Variants in SPINK9 observed in about 807,000 individuals in gnomAD.
SPINK9 encodes the protein serine protease inhibitor Kazal-type 9.
A neutral mutation model predicts 10.8 loss-of-function variants in SPINK9; 3 were observed. The observed-to-expected ratio is 0.28, with a 90% CI of 0.13 to 0.72. SPINK9 has a LOEUF of 0.72. Ranked by LOEUF, SPINK9 falls within the 30% of genes least tolerant of loss-of-function variation. The probability of loss-of-function intolerance (pLI) is 0.74; values close to 1 mark genes in which losing one functional copy is unlikely to be tolerated. For synonymous variants in SPINK9, 30 were observed against 31.2 expected, an observed-to-expected ratio of 0.96 and a Z score of 0.12; for missense variants, 101 against 103.2, an observed-to-expected ratio of 0.98 and a Z score of 0.09.
At chr5:148,338,455 AG>A (rs764794406) in intron 2 of SPINK9, 22 bp from the exon 3 acceptor site, 2 of 1,580,770 alleles carry the variant, frequency 1.3e-6, no homozygotes, top group Non-Finnish European at 1.7e-6. Flanking sequence ...AAAGAGTTGA[AG>A]GTTTTTAATA....
chr5:148,328,127 C>T (rs1346400171), intron 2 of SPINK9, among the ~76,000 whole-genome samples: 1 of 152,170 alleles, frequency 6.6e-6, no homozygotes. Flanking sequence ...ATTGATTCTT[C>T]CTATCCATGA....
chr5:148,323,775 C>T, exon 2 of SPINK9: 2 of 700,872 alleles, frequency 2.9e-6, no homozygotes, highest in East Asian at 2.7e-5. Context: ...TCCTTCTCAT[C>T]ATTGTTTTCA....
intron 1 of SPINK9, among the ~76,000 whole-genome samples, chr5:148,322,947 G>T (rs115928117): frequency 6.6e-6 from 1 of 151,948 alleles, no homozygotes; most frequent in Non-Finnish European, 1.5e-5. Flanking sequence ...TCTAGATTTG[G>T]TCTACAATGG....
At chr5:148,329,710 G>A (rs1308952076) in intron 2 of SPINK9, among the ~76,000 whole-genome samples, 3 of 151,948 alleles carry the variant, frequency 2.0e-5, no homozygotes, top group Non-Finnish European at 4.4e-5. Context: ...TTGTGTCTTT[G>A]TTCTCGTTGG....
chr5:148,330,725 T>C (rs1757137503), upstream of SPINK9, among the ~76,000 whole-genome samples: 1 of 152,208 alleles, frequency 6.6e-6, no homozygotes, highest in South Asian at 2.1e-4. Context: ...TCTCAGCATT[T>C]GCTTGTCTGT....
chr5:148,328,775 C>G (rs908418676), intron 2 of SPINK9, among the ~76,000 whole-genome samples: 2 of 152,064 alleles, frequency 1.3e-5, no homozygotes, highest in Non-Finnish European at 2.9e-5. Flanking sequence ...TGGTTTTTGT[C>G]TTTGGTTCTG....
Position 148,327,609 on chromosome 5 carries a change from G to A in SPINK9, c.118+3741G>A, listed in dbSNP as rs1757082916. Among the ~76,000 whole-genome samples the A allele has an allele frequency of 2.6e-5, 4 of 151,922 alleles. No homozygotes were observed. In the South Asian group the frequency reaches 8.3e-4, roughly 32 times the overall value. On this transcript the variant is annotated intron_variant, in intron 2 of 4. Transcript: ENST00000511717. ...CCTATGTCCTGAATGGTATTGCCTAGGTTTTCTTCTAGGGTTTTTATGGTT... is the reference window on the plus strand; with the variant it reads ...CCTATGTCCTGAATGGTATTGCCTAAGTTTTCTTCTAGGGTTTTTATGGTT...
chr5:148,322,269 TGG>T, intron 1 of SPINK9, among the ~76,000 whole-genome samples: 1 of 152,368 alleles, frequency 6.6e-6, no homozygotes, highest in South Asian at 2.1e-4. Context: ...ACTCTGACAC[TGG>T]GAGCTCATCT....
At chr5:148,336,549 A>G (rs552920456) in intron 2 of SPINK9, 96 bp downstream of exon 2, 5 of 1,308,856 alleles carry the variant, frequency 3.8e-6, no homozygotes, top group Admixed American at 3.7e-5. Context: ...ATATGTTTGA[A>G]TATTTACTTT....
At chr5:148,324,468 C>A (rs1486751082) in intron 2 of SPINK9, among the ~76,000 whole-genome samples, 2 of 151,988 alleles carry the variant, frequency 1.3e-5, no homozygotes, top group African/African-American at 4.8e-5. Context: ...TAATGATAGG[C>A]AAATCAACAT....
At chr5:148,335,435 G>C, upstream of SPINK9, 5 of 531,380 alleles carry the variant, frequency 9.4e-6, no homozygotes, top group South Asian at 1.3e-4. Context: ...CACAAGAAAA[G>C]AATCCCCATG....
At position 148,339,658 on chromosome 5, in the gene SPINK9, T is replaced by C. The variant is rs1279652019; in HGVS notation, c.216-9T>C. 1.6e-5 allele frequency: 25 copies of C among 1,612,098 alleles called. No homozygotes were observed. The highest frequency in any genetic ancestry group is 2.1e-5 in the Non-Finnish European group (25 of 1,178,804). On this transcript the variant is annotated splice_polypyrimidine_tract_variant and intron_variant, in intron 3 of 3. Coordinates refer to ENST00000377906, the MANE Select transcript of SPINK9 (RefSeq NM_001040433.2). ...GCATTTCTCATTTGTTGCTATATTC[T>C]CTCCACAGGAAAACTGACGGCACAC...
At chr5:148,334,170 T>TA (rs1757185633), upstream of SPINK9, among the ~76,000 whole-genome samples, 1 of 151,856 alleles carries the variant, frequency 6.6e-6, no homozygotes, top group East Asian at 1.9e-4. Context: ...GGATTCTTAC[T>TA]AAAGGCAGGC....
At chr5:148,334,593 C>A (rs899178357), upstream of SPINK9, among the ~76,000 whole-genome samples, 1 of 151,954 alleles carries the variant, frequency 6.6e-6, no homozygotes, top group Non-Finnish European at 1.5e-5. Context: ...CTCCTGTAAT[C>A]CCAGCTACTT....
At chr5:148,329,104 G>A (rs1757110578) in intron 2 of SPINK9, among the ~76,000 whole-genome samples, 1 of 152,138 alleles carries the variant, frequency 6.6e-6, no homozygotes, top group Admixed American at 6.5e-5. Flanking sequence ...TGTACCTCTG[G>A]TAGAATCTGG....
Position 148,339,728 on chromosome 5 carries a change from C to T in SPINK9, c.*16C>T. ...AAAATGTTAAATCTATCTTGTGAGT[C>T]CAAAATATCTTTTAATGCATCTATT... On this transcript the variant is annotated 3_prime_UTR_variant, in exon 4 of 4. Coordinates refer to ENST00000377906, the MANE Select transcript of SPINK9 (RefSeq NM_001040433.2). 1 of 1,602,512 alleles carries T rather than the reference C, an allele frequency of 6.2e-7. No homozygotes were observed. The highest frequency in any genetic ancestry group is 8.5e-7 in the Non-Finnish European group (1 of 1,170,346).
chr5:148,324,597 G>C (rs1376687926), intron 2 of SPINK9, among the ~76,000 whole-genome samples: 2 of 151,982 alleles, frequency 1.3e-5, no homozygotes, highest in Non-Finnish European at 2.9e-5. Context: ...CTCAAATTCA[G>C]AAACATTCTA....
intron 2 of SPINK9, among the ~76,000 whole-genome samples, chr5:148,329,084 A>G (rs1757110220): frequency 6.6e-6 from 1 of 152,176 alleles, no homozygotes; most frequent in African/African-American, 2.4e-5. Context: ...GAATGGTACC[A>G]GCTCCTCCTT....
upstream of SPINK9, among the ~76,000 whole-genome samples, chr5:148,335,202 A>G (rs1393907389): frequency 6.6e-6 from 1 of 152,228 alleles, no homozygotes; most frequent in Non-Finnish European, 1.5e-5. Context: ...CCTTTATTAA[A>G]GAATTCAAAT....
Sources: allele counts gnomAD v4.1 joint callset (sites outside exome capture counted in the v4.1 genomes callset), GRCh38; gene constraint gnomAD v4.1.1; transcripts MANE v1.5; gene names NCBI Gene and HGNC (gene_info 2026-07-23, HGNC 2026-07-21).